The following SPATA16 variants were observed in gnomAD, a reference collection of about 807,000 sequenced individuals.
SPATA16 encodes spermatogenesis associated 16, also known as spermatogenesis-associated protein 16.
A neutral mutation model predicts 63.3 loss-of-function variants in SPATA16; 36 were observed. That is an observed-to-expected ratio of 0.57 (90% CI 0.44 to 0.75). The LOEUF (loss-of-function observed/expected upper bound fraction) is 0.75, where lower values mean the gene tolerates loss of function less well. Ranked by LOEUF, SPATA16 falls within the 30% of genes least tolerant of loss-of-function variation. SPATA16 has a pLI of 0.00. For missense variants in SPATA16, 646 were observed against 679.3 expected (o/e 0.95, Z 0.54); for synonymous variants, 203 against 216.7 (o/e 0.94, Z 0.56).
chr3:172,925,560 C>T (rs1053405598), intron 6 of SPATA16, 68 bp from the exon 7 acceptor site: 2 of 1,600,012 alleles, frequency 1.2e-6, no homozygotes, highest in African/African-American at 1.3e-5. Flanking sequence ...GTTTTCCCCC[C>T]CAGATTTCAG....
chr3:173,025,296 T>C (rs1735427492), intron 3 of SPATA16, among the ~76,000 whole-genome samples: 3 of 151,864 alleles, frequency 2.0e-5, no homozygotes, highest in African/African-American at 7.2e-5. Flanking sequence ...TTTTACTTCA[T>C]TCAAATTCCT....
At chr3:172,947,184 T>G (rs2109611971) in intron 6 of SPATA16, among the ~76,000 whole-genome samples, 1 of 152,290 alleles carries the variant, frequency 6.6e-6, no homozygotes, top group South Asian at 2.1e-4. Flanking sequence ...GATCAAAGAT[T>G]TAGATCACAA....
chr3:173,003,366 A>G (rs1734868844), intron 4 of SPATA16, among the ~76,000 whole-genome samples: 1 of 152,210 alleles, frequency 6.6e-6, no homozygotes, highest in Non-Finnish European at 1.5e-5. Context: ...AGACAATACC[A>G]TTTCAAACTC....
intron 10 of SPATA16, 79 bp downstream of exon 10, chr3:172,913,582 A>G (rs1732417131): frequency 1.4e-6 from 2 of 1,393,034 alleles, no homozygotes; most frequent in Admixed American, 3.5e-5. Flanking sequence ...GTTTCTTTTT[A>G]TCCTCCAAAC....
rs146346557 is a variant in SPATA16, at chr3:172,895,351, T to G, written c.1588-5659A>C. ...GTTTTTTTTTCTTGTCTTTTGTTTT[T>G]TGAGACAAGAGTCTTGCTGTGTCAC... On this transcript the variant is annotated intron_variant, in intron 10 of 10. Transcript: ENST00000351008. Among the ~76,000 whole-genome samples the G allele has an allele frequency of 4.6e-4, 70 of 152,338 alleles. 2 individuals are homozygous for G. In the East Asian group the frequency reaches 0.013, roughly 29 times the overall value.
intron 2 of SPATA16, among the ~76,000 whole-genome samples, chr3:173,114,244 G>C (rs1030887735): frequency 2.0e-5 from 3 of 150,662 alleles, no homozygotes; most frequent in Admixed American, 1.3e-4. Context: ...CTATGGGAGA[G>C]ATGCTACTTA....
At chr3:172,905,823 T>A (rs1471417163) in intron 10 of SPATA16, among the ~76,000 whole-genome samples, 1 of 152,230 alleles carries the variant, frequency 6.6e-6, no homozygotes, top group Non-Finnish European at 1.5e-5. Flanking sequence ...TATATTATAT[T>A]AGATGAAATT....
intron 10 of SPATA16, among the ~76,000 whole-genome samples, chr3:172,890,377 A>G (rs777469541): frequency 5.9e-5 from 9 of 152,198 alleles, no homozygotes; most frequent in Non-Finnish European, 8.8e-5. Flanking sequence ...TATAGAATAA[A>G]AGTTTACACA....
intron 4 of SPATA16, among the ~76,000 whole-genome samples, chr3:173,013,736 T>C (rs923331138): frequency 1.3e-5 from 2 of 152,228 alleles, no homozygotes; most frequent in Non-Finnish European, 2.9e-5. Context: ...AACTCAGGCC[T>C]GCTCAGAGGC....
chr3:173,011,522 C>A (rs1735074485), intron 4 of SPATA16, among the ~76,000 whole-genome samples: 2 of 152,220 alleles, frequency 1.3e-5, no homozygotes, highest in South Asian at 4.2e-4. Flanking sequence ...ACTAAATGGG[C>A]AAAAGCTGGA....
At chr3:173,049,941 T>G (rs1030054631) in intron 2 of SPATA16, among the ~76,000 whole-genome samples, 1 of 152,108 alleles carries the variant, frequency 6.6e-6, no homozygotes, top group Non-Finnish European at 1.5e-5. Context: ...TTTAGTGACC[T>G]TATTCAGGAT....
intron 10 of SPATA16, among the ~76,000 whole-genome samples, chr3:172,901,210 T>C (rs1443965444): frequency 1.3e-5 from 2 of 152,140 alleles, no homozygotes; most frequent in East Asian, 1.9e-4. Flanking sequence ...ATAATTCTTC[T>C]TTTTTTGAGA....
intron 4 of SPATA16, among the ~76,000 whole-genome samples, chr3:172,983,693 C>T (rs1734374278): frequency 6.6e-6 from 1 of 151,764 alleles, no homozygotes; most frequent in African/African-American, 2.4e-5. Context: ...AGATGATGTT[C>T]TTATGGGGAG....
intron 1 of SPATA16, among the ~76,000 whole-genome samples, chr3:173,118,366 C>G (rs1351528477): frequency 2.6e-5 from 4 of 152,092 alleles, no homozygotes; most frequent in Non-Finnish European, 5.9e-5. Flanking sequence ...AAATGTGAGC[C>G]ATAGACTTAT....
At chr3:172,902,846 C>T (rs1732150700) in intron 10 of SPATA16, among the ~76,000 whole-genome samples, 1 of 152,174 alleles carries the variant, frequency 6.6e-6, no homozygotes, top group Non-Finnish European at 1.5e-5. Context: ...GTCTTGTCCC[C>T]TTCTCCACAG....
intron 6 of SPATA16, among the ~76,000 whole-genome samples, chr3:172,936,414 T>C (rs1732994846): frequency 6.6e-6 from 1 of 152,348 alleles, no homozygotes; most frequent in Non-Finnish European, 1.5e-5. Context: ...TCAGAAAAGA[T>C]ATGAAAGCTC....
intron 2 of SPATA16, among the ~76,000 whole-genome samples, chr3:173,075,026 A>T (rs1197223119): frequency 1.3e-5 from 2 of 151,488 alleles, no homozygotes; most frequent in African/African-American, 4.8e-5. Flanking sequence ...AAGAAAAGAA[A>T]AAAAGAAAAA....
intron 7 of SPATA16, 111 bp downstream of exon 7, chr3:172,925,219 TTCCAGGTATTGTTAAC>T: frequency 9.7e-7 from 1 of 1,032,320 alleles, no homozygotes; most frequent in Non-Finnish European, 1.4e-6. Flanking sequence ...GGAACCAGAA[TTCCAGGTATTGTTAAC>T]TAACCCACAA....
intron 2 of SPATA16, among the ~76,000 whole-genome samples, chr3:173,085,171 T>C (rs1737020982): frequency 6.6e-6 from 1 of 152,208 alleles, no homozygotes; most frequent in South Asian, 2.1e-4. Flanking sequence ...TTTCCATTTG[T>C]TTGTGTCCTG....
Sources: gnomAD v4.1 joint callset for allele counts (sites outside exome capture counted in the v4.1 genomes callset) on GRCh38, gnomAD v4.1.1 for gene constraint, MANE v1.5 for transcripts, NCBI Gene and HGNC (gene_info 2026-07-23, HGNC 2026-07-21) for gene names.